Variants in CNTNAP2 observed in about 807,000 individuals in gnomAD.
The protein encoded by CNTNAP2 is contactin associated protein 2, also known as contactin-associated protein-like 2.
In CNTNAP2, 98 loss-of-function variants were observed where a neutral mutation model predicts 155.2. That is an observed-to-expected ratio of 0.63 (90% CI 0.54 to 0.75). The LOEUF (loss-of-function observed/expected upper bound fraction) is 0.75. CNTNAP2 is among the 30% of genes least tolerant of loss of function. CNTNAP2 has a pLI of 0.00. For missense variants in CNTNAP2, 1,727 were observed against 1,688.1 expected (o/e 1.02, Z -0.40); for synonymous variants, 651 against 631.2 (o/e 1.03, Z -0.47).
intron 8 of CNTNAP2, among the ~76,000 whole-genome samples, chr7:147,270,524 AT>A: frequency 6.6e-6 from 1 of 152,304 alleles, no homozygotes; most frequent in East Asian, 1.9e-4. Context: ...CTCCCATTAT[AT>A]TTCTATTGGA....
At chr7:147,544,270 C>A (rs1318235025) in intron 11 of CNTNAP2, among the ~76,000 whole-genome samples, 2 of 151,946 alleles carry the variant, frequency 1.3e-5, no homozygotes, top group Non-Finnish European at 2.9e-5. Flanking sequence ...ATAAATTATG[C>A]AAAGAATGAT....
chr7:146,715,350 A>G (rs567722564), intron 1 of CNTNAP2, among the ~76,000 whole-genome samples: 3 of 152,172 alleles, frequency 2.0e-5, no homozygotes, highest in African/African-American at 4.8e-5. Flanking sequence ...CAAACAAACA[A>G]AACTCTATGG....
At chr7:148,078,105 C>T (rs1439430743) in intron 15 of CNTNAP2, among the ~76,000 whole-genome samples, 3 of 152,016 alleles carry the variant, frequency 2.0e-5, no homozygotes, top group South Asian at 2.1e-4. Context: ...GCTCTGTCAC[C>T]CAGGCTGGAG....
chr7:146,909,238 G>A (rs1307180102), intron 3 of CNTNAP2, among the ~76,000 whole-genome samples: 2 of 146,666 alleles, frequency 1.4e-5, no homozygotes, highest in Admixed American at 6.8e-5. Context: ...GGAGGAACTG[G>A]TACCATTCCT....
Position 147,429,934 on chromosome 7 carries a change from C to T in CNTNAP2, c.1670+34154C>T, listed in dbSNP as rs75458356. Among the ~76,000 whole-genome samples the T allele has an allele frequency of 7.8e-3, 1,180 of 152,138 alleles. 40 individuals carry two copies. In the East Asian group the frequency reaches 0.092, roughly 12 times the overall value. On this transcript the variant is annotated intron_variant, in intron 10 of 23. Transcript: ENST00000361727. ...ATTGGTGTACATCCTTGTTTTTATA[C>T]CAGTACCTTGCTGTTTTGGTAACTA...
intron 1 of CNTNAP2, among the ~76,000 whole-genome samples, chr7:146,690,639 C>T (rs947099881): frequency 6.6e-6 from 1 of 152,110 alleles, no homozygotes; most frequent in African/African-American, 2.4e-5. Context: ...AAGGTAGTAG[C>T]ATTTGCCAGA....
chr7:147,523,178 ATGCTGCT>A (rs1000584712), intron 11 of CNTNAP2, among the ~76,000 whole-genome samples: 8 of 152,176 alleles, frequency 5.3e-5, no homozygotes, highest in Admixed American at 2.0e-4. Context: ...AATCATTCAA[ATGCTGCT>A]GGCAAGTCTC....
chr7:147,327,726 A>G (rs1795486819), intron 9 of CNTNAP2, among the ~76,000 whole-genome samples: 1 of 152,148 alleles, frequency 6.6e-6, no homozygotes, highest in Admixed American at 6.5e-5. Context: ...ACTTTAAAAT[A>G]TCTGTTCTGA....
intron 1 of CNTNAP2, among the ~76,000 whole-genome samples, chr7:146,206,430 G>A (rs1584801971): frequency 6.6e-6 from 1 of 151,866 alleles, no homozygotes; most frequent in East Asian, 1.9e-4. Flanking sequence ...CTTGGATGCT[G>A]TTAGGACACA....
At chr7:146,789,144 A>G (rs1470427242) in intron 2 of CNTNAP2, among the ~76,000 whole-genome samples, 1 of 152,240 alleles carries the variant, frequency 6.6e-6, no homozygotes. Flanking sequence ...CACCAAGTTT[A>G]GATTCTTGCC....
At chr7:147,305,902 T>G (rs1405297251) in intron 9 of CNTNAP2, among the ~76,000 whole-genome samples, 58 of 152,152 alleles carry the variant, frequency 3.8e-4, no homozygotes, top group Non-Finnish European at 7.3e-5. Flanking sequence ...TGGTTACCAG[T>G]AATCCTCGTT....
chr7:146,520,191 G>A (rs972994011), intron 1 of CNTNAP2, among the ~76,000 whole-genome samples: 8 of 150,182 alleles, frequency 5.3e-5, no homozygotes, highest in Admixed American at 6.7e-5. Context: ...AATAATTATA[G>A]TTGACAATAA....
chr7:146,350,490 C>T (rs1440897977), intron 1 of CNTNAP2, among the ~76,000 whole-genome samples: 1 of 152,042 alleles, frequency 6.6e-6, no homozygotes, highest in Non-Finnish European at 1.5e-5. Context: ...TACCATCTCA[C>T]ACCAGTTAGA....
chr7:147,892,085 G>T (rs529501788), intron 13 of CNTNAP2, among the ~76,000 whole-genome samples: 1 of 151,798 alleles, frequency 6.6e-6, no homozygotes, highest in African/African-American at 2.4e-5. Flanking sequence ...ATTTAGTATT[G>T]ATTCATGCAA....
chr7:148,352,156 C>T (rs995495863), intron 21 of CNTNAP2, among the ~76,000 whole-genome samples: 1 of 152,192 alleles, frequency 6.6e-6, no homozygotes, highest in African/African-American at 2.4e-5. Flanking sequence ...CTGGATGCCG[C>T]TGAAGGGTTT....
chr7:147,957,761 T>A (rs1182148274), intron 14 of CNTNAP2, among the ~76,000 whole-genome samples: 5 of 152,084 alleles, frequency 3.3e-5, no homozygotes, highest in Non-Finnish European at 7.4e-5. Context: ...TCAAATTGTA[T>A]ACGTAAAAAA....
intron 13 of CNTNAP2, among the ~76,000 whole-genome samples, chr7:147,699,456 G>T (rs1290317135): frequency 6.6e-6 from 1 of 151,926 alleles, no homozygotes; most frequent in Non-Finnish European, 1.5e-5. Context: ...GTCGTGGGGT[G>T]GGGGGCAAGG....
At chr7:147,225,659 T>G (rs1035731670) in intron 8 of CNTNAP2, among the ~76,000 whole-genome samples, 3 of 152,100 alleles carry the variant, frequency 2.0e-5, no homozygotes, top group Non-Finnish European at 4.4e-5. Context: ...TGTGCTTCTT[T>G]GTTTTACACC....
At chr7:147,175,036 T>C (rs962960257) in intron 8 of CNTNAP2, among the ~76,000 whole-genome samples, 2 of 152,112 alleles carry the variant, frequency 1.3e-5, no homozygotes, top group African/African-American at 4.8e-5. Context: ...AATTTCACTA[T>C]ATAGAGAAAA....
Sources: allele counts gnomAD v4.1 joint callset (sites outside exome capture counted in the v4.1 genomes callset), GRCh38; gene constraint gnomAD v4.1.1; transcripts MANE v1.5; gene names NCBI Gene and HGNC (gene_info 2026-07-23, HGNC 2026-07-21).